CPEB2: variants seen among roughly 807,000 people sequenced by gnomAD.
CPEB2 encodes the protein cytoplasmic polyadenylation element-binding protein 2.
A neutral mutation model predicts 93.6 loss-of-function variants in CPEB2; 56 were observed. The ratio of observed to expected loss-of-function variants is 0.60; its 90% CI spans 0.48 to 0.75. The LOEUF is 0.75. CPEB2 is among the 30% of genes least tolerant of loss of function. The probability of loss-of-function intolerance (pLI) is 0.00; values close to 1 mark genes in which losing one functional copy is unlikely to be tolerated. For missense variants in CPEB2, 1,579 were observed against 1,395.1 expected, an observed-to-expected ratio of 1.13 and a Z score of -2.10; for synonymous variants, 764 against 586.3, an observed-to-expected ratio of 1.30 and a Z score of -4.38.
chr4:15,050,723 G>C (rs1728147712), intron 6 of CPEB2, among the ~76,000 whole-genome samples: 1 of 151,830 alleles, frequency 6.6e-6, no homozygotes, highest in Non-Finnish European at 1.5e-5. Context: ...TGATATTTTG[G>C]CTGCCCTCCC....
rs530269898 is a variant in CPEB2 at position 15,017,198 on chromosome 4, G to C, written c.2045G>C (p.Arg682Thr). Residue 682 changes from arginine to threonine, a missense_variant, in exon 4 of 12, where the codon AGA becomes ACA. This residue lies in a region of CPEB2 where 1,411 missense variants were observed against 1,056.0 expected (regional missense o/e 1.34). Coordinates refer to ENST00000538197, the MANE Select transcript of CPEB2 (RefSeq NM_001177382.2). ...CCTCTTCTCTTCCAGGATCGAAGTA[G>C]AATGTATGACAGTTTGAATATGCAC... ...GTSRIDQDRS[R>T]MYDSLNMHSL... 3 of 1,582,174 alleles carry C rather than the reference G, an allele frequency of 1.9e-6. No homozygotes were observed. Among genetic ancestry groups the C allele is most frequent in the East Asian group, 4.5e-5 (2 of 44,502 alleles).
intron 3 of CPEB2, among the ~76,000 whole-genome samples, chr4:15,011,426 G>T (rs1723472386): frequency 6.6e-6 from 1 of 152,048 alleles, no homozygotes; most frequent in South Asian, 2.1e-4. Context: ...TTTGCTTAGG[G>T]TTATTAATTA....
At chr4:15,025,180 T>A (rs2109010435) in intron 4 of CPEB2, among the ~76,000 whole-genome samples, 1 of 152,294 alleles carries the variant, frequency 6.6e-6, no homozygotes, top group Admixed American at 6.5e-5. Flanking sequence ...TATGTTTATT[T>A]TTCAAATCTT....
chr4:15,003,905 A>C lies in CPEB2; in HGVS notation c.1232A>C (p.Gln411Pro), dbSNP rs1243237611. The C allele has an allele frequency of 1.1e-6, 1 of 914,444 alleles. No individual in the cohort carries two copies. Among genetic ancestry groups the C allele is most frequent in the Non-Finnish European group, 1.4e-6 (1 of 702,868 alleles). The allele number at this position is 914,444 out of a possible 1,614,324, so 56.6% of individuals were successfully genotyped here. A position where few individuals can be genotyped will look rare whatever the true frequency, so the allele number is the denominator to read the frequency against. Reference sequence around the variant, plus strand: ...CAGCAGCAGCCGCCGCCACCCCAGCAGCCGCCCCAGCCGCAGCCGCAGCCG... The same window carrying C: ...CAGCAGCAGCCGCCGCCACCCCAGCCGCCGCCCCAGCCGCAGCCGCAGCCG... ...QPQQQPPPPQ[Q>P]PPQPQPQPPG... The change falls in exon 1 of 12, where the codon CAG becomes CCG. Residue 411 changes from glutamine to proline, a missense_variant. Gln to Pro is a moderately conservative substitution (Grantham distance 76). Coordinates refer to ENST00000538197, the MANE Select transcript of CPEB2 (RefSeq NM_001177382.2).
At chr4:15,055,109 T>C (rs1483032612) in intron 8 of CPEB2, among the ~76,000 whole-genome samples, 1 of 152,208 alleles carries the variant, frequency 6.6e-6, no homozygotes, top group Non-Finnish European at 1.5e-5. Flanking sequence ...TTTCTGGTGA[T>C]GAATTATATG....
chr4:15,012,794 A>G (rs1165362146), intron 3 of CPEB2, among the ~76,000 whole-genome samples: 1 of 152,164 alleles, frequency 6.6e-6, no homozygotes, highest in Non-Finnish European at 1.5e-5. Context: ...TACATGTTCA[A>G]GCATCTGCTA....
chr4:15,052,210 G>A (rs933198855), intron 6 of CPEB2, among the ~76,000 whole-genome samples: 5 of 151,912 alleles, frequency 3.3e-5, no homozygotes, highest in Admixed American at 1.3e-4. Context: ...ATATGACTAT[G>A]TTTATTTCTA....
chr4:15,050,084 A>T (rs998358121), intron 6 of CPEB2, among the ~76,000 whole-genome samples: 1 of 152,232 alleles, frequency 6.6e-6, no homozygotes, highest in African/African-American at 2.4e-5. Context: ...ATATAGACAG[A>T]TACCCAACAT....
At chr4:15,022,448 A>G (rs1344933647) in intron 4 of CPEB2, among the ~76,000 whole-genome samples, 2 of 152,108 alleles carry the variant, frequency 1.3e-5, no homozygotes, top group South Asian at 2.1e-4. Context: ...AAAATTGCCA[A>G]TAACAAAAAA....
In CPEB2 at chr4:15,061,761, A is replaced by G. The variant is rs140844849; in HGVS notation, c.2696-318A>G. On this transcript the variant is annotated intron_variant, in intron 10 of 11. Transcript: ENST00000538197. ...TTGCTGAAGCAGTGTCCTAAGTGAG[A>G]GTGTATGGGATCTAGTATGCAAGTG... 2.1e-3 allele frequency among the ~76,000 whole-genome samples: 311 copies of G among 145,164 alleles called. 1 individual carries two copies. The highest frequency in any genetic ancestry group is 7.6e-3 in the African/African-American group (296 of 38,862).
intron 8 of CPEB2, among the ~76,000 whole-genome samples, chr4:15,055,008 G>T (rs1728581936): frequency 6.6e-6 from 1 of 152,142 alleles, no homozygotes; most frequent in Admixed American, 6.5e-5. Context: ...CTGGAGAAAA[G>T]ACCCCAATAG....
At position 15,004,293 on chromosome 4, in the gene CPEB2, C is replaced by T. The variant is rs769510579; in HGVS notation, c.1620C>T (p.Ala540=). Residue 540 remains alanine, a synonymous_variant, in exon 1 of 12, where the codon GCC becomes GCT. Coordinates refer to ENST00000538197, the MANE Select transcript of CPEB2 (RefSeq NM_001177382.2). ...TCCAGCAGCAGCACCAGGCGGCGGC[C>T]GCCGCCTTCCTGCAGCAGAGGAACT... is the stretch of plus-strand genomic sequence containing the variant. ...PQLQQQHQAA[A]AAFLQQRNSY... 46 of 1,493,404 alleles carry T rather than the reference C, an allele frequency of 3.1e-5. No homozygotes were observed. Among genetic ancestry groups the T allele is most frequent in the Middle Eastern group, 4.5e-4 (2 of 4,446 alleles). 92.5% of individuals were successfully genotyped at this position (1,493,404 alleles called of 1,614,324 possible).
chr4:15,059,613 G>A (rs1376641163), intron 10 of CPEB2, among the ~76,000 whole-genome samples: 1 of 152,038 alleles, frequency 6.6e-6, no homozygotes, highest in Non-Finnish European at 1.5e-5. Context: ...AGAGAATTTG[G>A]GGTCTGTTTA....
At chr4:15,038,585 CTTTT>C (rs369548599) in intron 5 of CPEB2, among the ~76,000 whole-genome samples, 1 of 137,232 alleles carries the variant, frequency 7.3e-6, no homozygotes, top group Non-Finnish European at 1.6e-5. Context: ...GTAGTCTATT[CTTTT>C]TTTTTTTTTT....
rs1416300090 is a variant in CPEB2 at position 15,061,706 on chromosome 4, A to G, written c.2696-373A>G. The stretch of plus-strand genomic sequence containing the variant: ...AGGAAAATTATAGTGTACTTGGGAA[A>G]ATTGATTGTATAGAAGGGAAAGGGG... On this transcript the variant is annotated intron_variant, in intron 10 of 11. Transcript: ENST00000538197. Among the ~76,000 whole-genome samples, 31 of 148,958 alleles carry G rather than the reference A, an allele frequency of 2.1e-4. 1 individual carries two copies. Among genetic ancestry groups the G allele is most frequent in the Admixed American group, 2.0e-3 (30 of 14,718 alleles).
At position 15,003,393 on chromosome 4, in the gene CPEB2, T is replaced by G; in HGVS notation, c.720T>G (p.His240Gln). 7.3e-7 allele frequency: 1 copy of G among 1,370,988 alleles called. No homozygotes were observed. The allele number at this position is 1,370,988 out of a possible 1,614,324, so 84.9% of individuals were successfully genotyped here. A position where few individuals can be genotyped will look rare whatever the true frequency, so the allele number is the denominator to read the frequency against. The part of the protein sequence containing the change: ...QQPPQQFSLL[H>Q]QQHLSPQDFA... Reference sequence around the variant, plus strand: ...CGCCGCAGCAGTTCAGCCTCCTGCATCAGCAGCACCTCTCGCCGCAGGACT... The same window carrying G: ...CGCCGCAGCAGTTCAGCCTCCTGCAGCAGCAGCACCTCTCGCCGCAGGACT... The change falls in exon 1 of 12, where the codon CAT becomes CAG. Residue 240 changes from histidine to glutamine, a missense_variant. Transcript: ENST00000538197.
At position 15,003,286 on chromosome 4, in the gene CPEB2, C is replaced by T. The variant is rs1455057591; in HGVS notation, c.613C>T (p.Pro205Ser). 2 of 1,513,648 alleles carry T rather than the reference C, an allele frequency of 1.3e-6. No homozygotes were observed. Among genetic ancestry groups the T allele is most frequent in the Admixed American group, 4.1e-5 (2 of 48,818 alleles). 93.8% of individuals were successfully genotyped at this position (1,513,648 alleles called of 1,614,324 possible). A position where few individuals can be genotyped will look rare whatever the true frequency, so the allele number is the denominator to read the frequency against. Residue 205 changes from proline to serine, a missense_variant, in exon 1 of 12, where the codon CCC (proline) becomes TCC (serine). Coordinates refer to ENST00000538197, the MANE Select transcript of CPEB2 (RefSeq NM_001177382.2). ...PPPPPPPLHC[P>S]GRFSPPPPPA... Reference sequence around the variant, plus strand: ...GCCGCCGCCTCCGCCGCTCCACTGCCCCGGTCGGTTCAGCCCGCCGCCGCC... The same window carrying T: ...GCCGCCGCCTCCGCCGCTCCACTGCTCCGGTCGGTTCAGCCCGCCGCCGCC...
At chr4:15,024,585 A>G (rs1157166735) in intron 4 of CPEB2, among the ~76,000 whole-genome samples, 1 of 151,972 alleles carries the variant, frequency 6.6e-6, no homozygotes, top group African/African-American at 2.4e-5. Flanking sequence ...CTGCAGTTTC[A>G]TAGTAATGAA....
chr4:15,036,564 G>A (rs915379516), intron 5 of CPEB2, among the ~76,000 whole-genome samples: 1 of 151,966 alleles, frequency 6.6e-6, no homozygotes, highest in African/African-American at 2.4e-5. Context: ...GTAGTAAAGA[G>A]CAATACAAAA....
Sources: gnomAD v4.1 joint callset for allele counts (sites outside exome capture counted in the v4.1 genomes callset) on GRCh38, gnomAD v4.1.1 for gene constraint, gnomAD v4.1.1 regional missense constraint, MANE v1.5 for transcripts, NCBI Gene and HGNC (gene_info 2026-07-23, HGNC 2026-07-21) for gene names.